Variants in KDSR observed in about 807,000 individuals in gnomAD.
KDSR encodes the protein 3-dehydrosphinganine reductase.
A neutral mutation model predicts 41.3 loss-of-function variants in KDSR; 23 were observed. That is an observed-to-expected ratio of 0.56 (90% confidence interval 0.40 to 0.79). The LOEUF is 0.79. Among genes scored for constraint, KDSR ranks in the 30% least tolerant of loss-of-function variants. The pLI is 0.00. For synonymous variants in KDSR, 138 were observed against 151.7 expected, an observed-to-expected ratio of 0.91 and a Z score of 0.66; for missense variants, 351 against 416.8, an observed-to-expected ratio of 0.84 and a Z score of 1.37.
chr18:63,355,345 A>T, intron 4 of KDSR, 46 bp from the exon 5 acceptor site: 1 of 1,605,728 alleles, frequency 6.2e-7, no homozygotes, highest in South Asian at 1.1e-5. Context: ...GAGAAGAAAA[A>T]CCACTCAGCA....
Position 63,355,424 on chromosome 18 carries a change from G to A in KDSR, c.321+74C>T, listed in dbSNP as rs1914768550. ...TATAGAGAAGTTGTGTCCATTCCAA[G>A]CCACATAGCAAAATGGCAAGAACAA... is the stretch of plus-strand genomic sequence containing the variant. On this transcript the variant is annotated intron_variant, in intron 4 of 9. Transcript: ENST00000645214. 5 of 1,611,360 alleles carry A rather than the reference G, an allele frequency of 3.1e-6. No individual in the cohort carries two copies. In the Admixed American group the frequency reaches 6.7e-5, roughly 22 times the overall value.
At chr18:63,353,237 C>T (rs1212627164) in intron 5 of KDSR, among the ~76,000 whole-genome samples, 1 of 151,966 alleles carries the variant, frequency 6.6e-6, no homozygotes, top group South Asian at 2.1e-4. Flanking sequence ...CACTGAACGC[C>T]TGTGTTTACT....
intron 3 of KDSR, among the ~76,000 whole-genome samples, chr18:63,358,252 A>G (rs1159709299): frequency 6.6e-6 from 1 of 152,156 alleles, no homozygotes; most frequent in Non-Finnish European, 1.5e-5. Context: ...AGGAAGTTAT[A>G]CAAATCTATA....
Position 63,327,838 on chromosome 18 carries a change from C to T in KDSR, c.*3944G>A, listed in dbSNP as rs1472571092. ...ACAAAAGCTTCTAAAGTAGCAAACA[C>T]AACTTTGTGTATCAAAATAGCCATG... On this transcript the variant is annotated 3_prime_UTR_variant, in exon 10 of 10. Transcript: ENST00000645214. 1 of 194,956 alleles carries T rather than the reference C, an allele frequency of 5.1e-6. No individual in the cohort carries two copies. Among genetic ancestry groups the T allele is most frequent in the Non-Finnish European group, 1.1e-5 (1 of 93,718 alleles). The allele number at this position is 194,956 out of a possible 1,614,324, so 12.1% of individuals were successfully genotyped here.
intron 7 of KDSR, among the ~76,000 whole-genome samples, chr18:63,340,167 C>T (rs58862503): frequency 0.011 from 1,708 of 152,336 alleles, 35 homozygotes; most frequent in African/African-American, 0.039. Context: ...CCAACTTAAT[C>T]AACATCAGAA....
At chr18:63,348,013 G>C (rs1368037012) in intron 6 of KDSR, among the ~76,000 whole-genome samples, 1 of 152,138 alleles carries the variant, frequency 6.6e-6, no homozygotes, top group Non-Finnish European at 1.5e-5. Flanking sequence ...GCCAGACACA[G>C]TGGCTCACAC....
chr18:63,338,953 C>A (rs1914265037), intron 7 of KDSR, 70 bp from the exon 8 acceptor site: 1 of 871,958 alleles, frequency 1.1e-6, no homozygotes, highest in Non-Finnish European at 1.8e-6. Flanking sequence ...ATTATTCTTA[C>A]AGCCTCCTGA....
At chr18:63,336,824 G>T (rs1218422827) in intron 8 of KDSR, among the ~76,000 whole-genome samples, 1 of 151,978 alleles carries the variant, frequency 6.6e-6, no homozygotes, top group Non-Finnish European at 1.5e-5. Flanking sequence ...TATCTGAAAA[G>T]CCTAGTAAAA....
chr18:63,359,106 G>C lies in KDSR; in HGVS notation c.255+630C>G, dbSNP rs1441182797. Among the ~76,000 whole-genome samples the C allele has an allele frequency of 3.4e-5, 5 of 146,712 alleles. No individual in the cohort carries two copies. In the East Asian group the frequency reaches 1.0e-3, roughly 29 times the overall value. Reference sequence around the variant, plus strand: ...AGGTGGGAGGACTGCTTGAGCCCAGGAGGTCGAGGCTGCAGTGAGCTGAGA... The same window carrying C: ...AGGTGGGAGGACTGCTTGAGCCCAGCAGGTCGAGGCTGCAGTGAGCTGAGA... On this transcript the variant is annotated intron_variant, in intron 3 of 9. Coordinates refer to ENST00000645214, the MANE Select transcript of KDSR (RefSeq NM_002035.4).
chr18:63,351,265 T>C lies in KDSR; in HGVS notation c.418-186A>G, dbSNP rs538101608. Among the ~76,000 whole-genome samples, 3 of 150,734 alleles carry C rather than the reference T, an allele frequency of 2.0e-5. No individual in the cohort carries two copies. The East Asian group carries it at 5.8e-4, about 29-fold the overall frequency. On this transcript the variant is annotated intron_variant, in intron 5 of 9. Transcript: ENST00000645214. ...TGAAATGTGATTTGAGACCTAGCAT[T>C]TGAAGACTCAGGACCTACCATTTGA...
chr18:63,344,683 G>A, intron 6 of KDSR, 190 bp from the exon 7 acceptor site: 1 of 505,462 alleles, frequency 2.0e-6, no homozygotes, highest in Non-Finnish European at 3.5e-6. Flanking sequence ...TAGGCAAAAA[G>A]CTCACCCTAA....
Position 63,335,185 on chromosome 18 carries a change from T to C in KDSR, c.879+72A>G, listed in dbSNP as rs1914118576. 3 of 961,502 alleles carry C rather than the reference T, an allele frequency of 3.1e-6. No homozygotes were observed. The East Asian group carries it at 7.2e-5, about 23-fold the overall frequency. 59.6% of individuals were successfully genotyped at this position (961,502 alleles called of 1,614,324 possible). A position where few individuals can be genotyped will look rare whatever the true frequency, so the allele number is the denominator to read the frequency against. On this transcript the variant is annotated intron_variant, in intron 9 of 9. Transcript: ENST00000645214. ...TTAGTTTTCCCTTAACCTCTTCTCA[T>C]CAAGGTTTGATGAAAGGCAGTTTTT... is the stretch of plus-strand genomic sequence containing the variant.
At chr18:63,332,226 C>G (rs1221557762) in intron 9 of KDSR, among the ~76,000 whole-genome samples, 1 of 152,176 alleles carries the variant, frequency 6.6e-6, no homozygotes, top group Non-Finnish European at 1.5e-5. Flanking sequence ...AAACTACAAT[C>G]AAGGCTTTTT....
intron 2 of KDSR, among the ~76,000 whole-genome samples, chr18:63,360,874 G>A (rs1298756631): frequency 3.4e-5 from 5 of 146,124 alleles, no homozygotes; most frequent in Non-Finnish European, 1.5e-5. Context: ...ACACAGTGAG[G>A]CCGGGCGCAG....
chr18:63,351,878 G>A (rs1914670284), intron 5 of KDSR, among the ~76,000 whole-genome samples: 1 of 152,038 alleles, frequency 6.6e-6, no homozygotes, highest in South Asian at 2.1e-4. Flanking sequence ...CAATCTCCTG[G>A]GCTCAAGCAA....
At chr18:63,337,829 G>A (rs756128534) in intron 8 of KDSR, among the ~76,000 whole-genome samples, 3 of 152,174 alleles carry the variant, frequency 2.0e-5, no homozygotes, top group Admixed American at 6.5e-5. Context: ...TCAGAAGGCC[G>A]AGGCAGGAGA....
intron 1 of KDSR, 51 bp from the exon 2 acceptor site, chr18:63,362,919 G>T: frequency 1.6e-6 from 2 of 1,283,478 alleles, no homozygotes; most frequent in Non-Finnish European, 1.1e-6. Flanking sequence ...CCCCTCTGTA[G>T]GAAGTTTTTA....
Position 63,351,032 on chromosome 18 carries a change from G to A in KDSR, c.465C>T (p.Ala155=), listed in dbSNP as rs773143504. Residue 155 remains alanine, a synonymous_variant, in exon 6 of 10, where the codon GCC becomes GCT. Transcript: ENST00000645214. ...NYLGSVYPSR[A]VITTMKERRV... ...GGCGCTCCTTCATGGTGGTGATCAC[G>A]GCCCGGCTGGGGTACACGCTGCCCA... 1.7e-5 allele frequency: 27 copies of A among 1,614,014 alleles called. No individual in the cohort carries two copies. In the Admixed American group the frequency reaches 2.0e-4, roughly 12 times the overall value.
At chr18:63,341,941 GC>G in intron 7 of KDSR, among the ~76,000 whole-genome samples, 1 of 151,068 alleles carries the variant, frequency 6.6e-6, no homozygotes, top group African/African-American at 2.4e-5. Context: ...ACTTTGGGAG[GC>G]CAGAGTGGGC....
Sources: gnomAD v4.1 joint callset for allele counts (sites outside exome capture counted in the v4.1 genomes callset) on GRCh38, gnomAD v4.1.1 for gene constraint, MANE v1.5 for transcripts, NCBI Gene and HGNC (gene_info 2026-07-23, HGNC 2026-07-21) for gene names.